Variants in PCSK5 observed in about 807,000 individuals in gnomAD.
The protein encoded by PCSK5 is prohormone convertase 5.
A neutral mutation model predicts 233.2 loss-of-function variants in PCSK5; 129 were observed. The ratio of observed to expected loss-of-function variants is 0.55; its 90% CI spans 0.48 to 0.64. The LOEUF is 0.64. PCSK5 is among the 30% of genes least tolerant of loss of function. The pLI is 0.00. For synonymous variants in PCSK5, 825 were observed against 879.2 expected (o/e 0.94, Z 1.09); for missense variants, 2,076 against 2,430.1 (o/e 0.85, Z 3.06).
chr9:76,284,823 C>T lies in PCSK5; in HGVS notation c.3143-7410C>T, dbSNP rs931197949. Among the ~76,000 whole-genome samples, 35 of 152,028 alleles carry T rather than the reference C, an allele frequency of 2.3e-4. 1 individual carries two copies. The highest frequency in any genetic ancestry group is 1.9e-4 in the Non-Finnish European group (13 of 68,006). On this transcript the variant is annotated intron_variant, in intron 24 of 37. Transcript: ENST00000674117. ...CTGGGATTACAGGCTTGAGCCACTG[C>T]GCCTGGCCAAACCTCTTTTTCTTTT...
At chr9:76,284,326 G>A (rs1827985090) in intron 24 of PCSK5, among the ~76,000 whole-genome samples, 1 of 151,964 alleles carries the variant, frequency 6.6e-6, no homozygotes, top group African/African-American at 2.4e-5. Flanking sequence ...TGAATCATGG[G>A]GGCAGGTTTT....
At chr9:76,213,441 T>C (rs1205469179) in intron 20 of PCSK5, among the ~76,000 whole-genome samples, 1 of 152,118 alleles carries the variant, frequency 6.6e-6, no homozygotes, top group Non-Finnish European at 1.5e-5. Context: ...CTAGAGTAGA[T>C]GAGCTCTAAA....
chr9:76,152,471 TTTTATTTGTTTGCCCTATTTTA>T (rs1305591856), intron 10 of PCSK5, among the ~76,000 whole-genome samples: 1 of 152,200 alleles, frequency 6.6e-6, no homozygotes, highest in African/African-American at 2.4e-5. Flanking sequence ...GTTTGCCTTA[TTTTATTTGTTTGCCCTATTTTA>T]TTTATTTGTT....
intron 2 of PCSK5, among the ~76,000 whole-genome samples, chr9:75,979,773 G>A (rs1325197695): frequency 1.3e-5 from 2 of 152,120 alleles, no homozygotes; most frequent in East Asian, 3.9e-4. Flanking sequence ...TTTCAAAGAG[G>A]CCTTTCTTGA....
intron 3 of PCSK5, among the ~76,000 whole-genome samples, chr9:75,993,065 AATG>A (rs1238984959): frequency 6.6e-6 from 1 of 152,166 alleles, no homozygotes; most frequent in Non-Finnish European, 1.5e-5. Flanking sequence ...ACATTTTTCT[AATG>A]ATTTATACTG....
At position 76,358,867 on chromosome 9, in the gene PCSK5, A is replaced by G. The variant is rs1475968483; in HGVS notation, c.5609A>G (p.Asp1870Gly). ...AAATTTAAATATGGGCTGCTGGATG[A>G]CGATGACATAGATGAGCTGGAATAT... is the stretch of plus-strand genomic sequence containing the variant. The part of the protein sequence containing the change: ...YRKFKYGLLD[D>G]DDIDELEYDD... The change falls in exon 38 of 38, where the codon GAC (aspartate) becomes GGC (glycine). Residue 1870 changes from aspartate (D) to glycine (G), a missense_variant. Around this residue, in one of 6 missense-constraint regions of PCSK5, gnomAD observed 1,510 missense variants for 1,538.1 expected, o/e 0.98. Coordinates refer to ENST00000674117, the MANE Select transcript of PCSK5 (RefSeq NM_001372043.1). The G allele has an allele frequency of 2.5e-6, 4 of 1,612,784 alleles. No homozygotes were observed.
At chr9:76,244,174 C>T (rs11144807) in intron 24 of PCSK5, among the ~76,000 whole-genome samples, 61,789 of 151,730 alleles carry the variant, frequency 0.41, 12,870 homozygotes, top group Middle Eastern at 0.45. Context: ...TGCAGTGAGC[C>T]GTATTCATGC....
rs1822633873 is a variant in PCSK5 at position 75,909,578 on chromosome 9, C to T, written c.192+18205C>T. Among the ~76,000 whole-genome samples, 6 of 152,122 alleles carry T rather than the reference C, an allele frequency of 3.9e-5. No individual in the cohort carries two copies. The South Asian group carries it at 1.2e-3, about 32-fold the overall frequency. Reference sequence around the variant, plus strand: ...GGTGTGGTGGTGGGTGCCTGTAATTCCAGCTACTTGGGAGGCTGAGGCAGG... The same window carrying T: ...GGTGTGGTGGTGGGTGCCTGTAATTTCAGCTACTTGGGAGGCTGAGGCAGG... On this transcript the variant is annotated intron_variant, in intron 1 of 37. Coordinates refer to ENST00000674117, the MANE Select transcript of PCSK5 (RefSeq NM_001372043.1).
At chr9:76,064,796 C>T (rs1587577067) in intron 5 of PCSK5, among the ~76,000 whole-genome samples, 1 of 149,968 alleles carries the variant, frequency 6.7e-6, no homozygotes, top group African/African-American at 2.5e-5. Context: ...GAGGCGCTCC[C>T]CACATCTCAG....
chr9:76,258,138 A>T (rs2131355013), intron 24 of PCSK5, among the ~76,000 whole-genome samples: 1 of 152,290 alleles, frequency 6.6e-6, no homozygotes, highest in Non-Finnish European at 1.5e-5. Context: ...ACATGGCATT[A>T]TCTCCAGAGG....
At chr9:76,287,302 G>T in intron 24 of PCSK5, 1 of 228,672 alleles carries the variant, frequency 4.4e-6, no homozygotes, top group Non-Finnish European at 9.9e-6. Context: ...TAGGTAATAG[G>T]GTATGGTCCA....
intron 20 of PCSK5, among the ~76,000 whole-genome samples, chr9:76,215,926 AT>A (rs1385451183): frequency 2.7e-5 from 4 of 150,196 alleles, no homozygotes; most frequent in African/African-American, 9.9e-5. Context: ...GTGACAAAGC[AT>A]GATTCTGTCT....
Position 76,233,499 on chromosome 9 carries a change from A to C in PCSK5, c.2769A>C (p.Ser923=). The part of the protein sequence containing the change: ...DDGRCVSNCP[S]WKFEFENQCH... ...GCCGCTGTGTTTCGAACTGCCCCTC[A>C]TGGAAATTTGAATTTGAGAACCAAT... Residue 923 remains serine, a synonymous_variant, in exon 22 of 38, where the codon TCA becomes TCC. Transcript: ENST00000674117. 1 of 1,612,720 alleles carries C rather than the reference A, an allele frequency of 6.2e-7. No homozygotes were observed. Among genetic ancestry groups the C allele is most frequent in the Non-Finnish European group, 8.5e-7 (1 of 1,179,820 alleles).
At position 76,108,574 on chromosome 9, in the gene PCSK5, G is replaced by C. The variant is rs530562989; in HGVS notation, c.1208+1223G>C. 2.0e-5 allele frequency among the ~76,000 whole-genome samples: 3 copies of C among 152,330 alleles called. No individual in the cohort carries two copies. In the South Asian group the frequency reaches 6.2e-4, roughly 32 times the overall value. ...TCGAGACTATCCTGGCCAACATGGT[G>C]AAACCCCTTCTCTTCTAAAAATACA... On this transcript the variant is annotated intron_variant, in intron 9 of 37. Transcript: ENST00000674117.
chr9:75,983,230 CATA>C (rs1272823999), intron 2 of PCSK5, among the ~76,000 whole-genome samples: 6 of 152,256 alleles, frequency 3.9e-5, no homozygotes, highest in Admixed American at 3.9e-4. Flanking sequence ...AAAGCAACAG[CATA>C]ATTTGTTTCC....
intron 29 of PCSK5, among the ~76,000 whole-genome samples, chr9:76,309,595 T>G (rs1587854521): frequency 6.6e-6 from 1 of 151,656 alleles, no homozygotes; most frequent in African/African-American, 2.4e-5. Flanking sequence ...CGTGGGAGGC[T>G]GAGACATGAG....
In PCSK5 at chr9:76,328,975, A is replaced by ATTTTTTTTTTTTT. The variant is rs59466685; in HGVS notation, c.4570+739_4570+751dup. Reference sequence around the variant, plus strand: ...AGGTGGGCACCATCGCTCCCGGCTAATTTTTTTTTTTTTTTGTATTTTTGG... The same window carrying ATTTTTTTTTTTTT: ...AGGTGGGCACCATCGCTCCCGGCTAATTTTTTTTTTTTTTTTTTTTTTTTTTTTGTATTTTTGG... On this transcript the variant is annotated intron_variant, in intron 33 of 37. Transcript: ENST00000674117. 4.0e-5 allele frequency among the ~76,000 whole-genome samples: 5 copies of ATTTTTTTTTTTTT among 123,724 alleles called. 1 individual carries two copies. The highest frequency in any genetic ancestry group is 3.3e-5 in the Non-Finnish European group (2 of 60,862). The allele number at this position is 123,724 out of a possible 152,430, so 81.2% of individuals were successfully genotyped here.
chr9:76,046,155 CTTTTGTTTTTTTTTTTTT>C (rs1829365822), intron 5 of PCSK5, among the ~76,000 whole-genome samples: 9 of 55,700 alleles, frequency 1.6e-4, no homozygotes, highest in Non-Finnish European at 3.4e-4. Flanking sequence ...ATAATTTTTT[CTTTTGTTTTTTTTTTTTT>C]TTTTTTTTTT....
At position 76,277,554 on chromosome 9, in the gene PCSK5, C is replaced by T. The variant is rs1190535450; in HGVS notation, c.3143-14679C>T. Among the ~76,000 whole-genome samples the T allele has an allele frequency of 2.0e-5, 3 of 152,226 alleles. No individual in the cohort carries two copies. The East Asian group carries it at 5.8e-4, about 29-fold the overall frequency. ...TACTTATTCCAGTCTCTTCTACCAC[C>T]CTGTCCCTCCAGGGAGTTGTGCCCC... On this transcript the variant is annotated intron_variant, in intron 24 of 37. Coordinates refer to ENST00000674117, the MANE Select transcript of PCSK5 (RefSeq NM_001372043.1).
Sources: allele counts gnomAD v4.1 joint callset (sites outside exome capture counted in the v4.1 genomes callset), GRCh38; gene constraint gnomAD v4.1.1; regional missense constraint gnomAD v4.1.1; transcripts MANE v1.5; gene names NCBI Gene and HGNC (gene_info 2026-07-23, HGNC 2026-07-21).